The following MAP4 variants were observed in gnomAD, a reference collection of about 807,000 sequenced individuals.
MAP4 encodes microtubule-associated protein 4.
Under a neutral mutation model 170.2 loss-of-function variants are expected in MAP4, and 76 were observed. The ratio of observed to expected loss-of-function variants is 0.45; its 90% CI spans 0.37 to 0.54. MAP4 has a LOEUF of 0.54. MAP4 is among the 20% of genes least tolerant of loss of function. The pLI, the probability that MAP4 is intolerant of heterozygous loss-of-function variation, is 0.00. For missense variants in MAP4, 2,506 were observed against 2,748.0 expected (o/e 0.91, Z 1.97); for synonymous variants, 909 against 994.5 (o/e 0.91, Z 1.62).
chr3:48,030,798 C>CAAAA (rs71625847), intron 1 of MAP4, among the ~76,000 whole-genome samples: 2 of 29,060 alleles, frequency 6.9e-5, no homozygotes, highest in Non-Finnish European at 1.3e-4. Flanking sequence ...GACTCCATCT[C>CAAAA]AAAAAAAAAA....
intron 1 of MAP4, among the ~76,000 whole-genome samples, chr3:48,058,262 C>T (rs1207541867): frequency 1.3e-5 from 2 of 152,186 alleles, no homozygotes; most frequent in African/African-American, 4.8e-5. Flanking sequence ...ATTATTTTGG[C>T]TAATTTATTG....
In MAP4 at chr3:48,041,486, T is replaced by C. The variant is rs550290452; in HGVS notation, c.-19-42607A>G. 4.0e-5 allele frequency among the ~76,000 whole-genome samples: 6 copies of C among 151,854 alleles called. No homozygotes were observed. In the South Asian group the frequency reaches 1.0e-3, roughly 26 times the overall value. ...AGAAATTAAGGAAGATTTAAATAAA[T>C]GGAAAGACATTTAAGTTCATGGATC... On this transcript the variant is annotated intron_variant, in intron 1 of 18. Transcript: ENST00000360240.
At chr3:47,903,146 AG>A (rs36058052) in intron 9 of MAP4, 146 bp from the exon 10 acceptor site, 57,698 of 159,152 alleles carry the variant, frequency 0.36, 11,646 homozygotes, top group African/African-American at 0.54. Flanking sequence ...CTTGGTTTCC[AG>A]GGGAACAACT....
chr3:47,889,141 G>A (rs1470180460), intron 10 of MAP4, among the ~76,000 whole-genome samples: 1 of 152,246 alleles, frequency 6.6e-6, no homozygotes, highest in Non-Finnish European at 1.5e-5. Context: ...GATTTTTAAA[G>A]GGAAGAGAAT....
chr3:47,916,117 C>G lies in MAP4; in HGVS notation c.1710G>C (p.Val570=), dbSNP rs763774355. ...GTGGTGGAACATCTTTGGCTGGAGT[C>G]ACATTGTTGGCCAGGGTCAGAACCC... ...KDGVLTLANN[V]TPAKDVPPLS... is the part of the protein sequence containing the mutation. Residue 570 remains valine (V), a synonymous_variant, in exon 7 of 21, where the codon GTG becomes GTC. Coordinates refer to ENST00000683076, the MANE Select transcript of MAP4 (RefSeq NM_001385682.1). 7 of 1,614,046 alleles carry G rather than the reference C, an allele frequency of 4.3e-6. No homozygotes were observed. The Admixed American group carries it at 5.0e-5, about 12-fold the overall frequency.
At chr3:47,973,127 A>G in intron 3 of MAP4, 1 of 983,080 alleles carries the variant, frequency 1.0e-6, no homozygotes, top group Non-Finnish European at 1.2e-6. Context: ...TTAGTACAGT[A>G]ATCACATTAG....
At chr3:47,857,340 T>G (rs1184256359) in intron 18 of MAP4, 91 bp downstream of exon 18, 9 of 1,002,628 alleles carry the variant, frequency 9.0e-6, no homozygotes, top group Non-Finnish European at 1.4e-5. Context: ...GGCACAGAGA[T>G]GAAACCCTTG....
intron 10 of MAP4, among the ~76,000 whole-genome samples, chr3:47,886,675 T>C (rs2097650239): frequency 6.6e-6 from 1 of 152,196 alleles, no homozygotes; most frequent in Non-Finnish European, 1.5e-5. Flanking sequence ...ATGTGGAACT[T>C]ACTAACTCCT....
At chr3:48,036,631 G>A (rs1456337133) in intron 1 of MAP4, among the ~76,000 whole-genome samples, 3 of 152,178 alleles carry the variant, frequency 2.0e-5, no homozygotes, top group Non-Finnish European at 1.5e-5. Context: ...TTCTTTCTAT[G>A]TAAACAGTAC....
intron 2 of MAP4, chr3:47,987,286 A>C: frequency 4.8e-6 from 4 of 839,450 alleles, no homozygotes; most frequent in Non-Finnish European, 7.1e-6. Context: ...TTCCTGTGCT[A>C]GAGCATGTTA....
chr3:47,857,515 G>C lies in MAP4; in HGVS notation c.6502-3C>G, dbSNP rs1486864607. On this transcript the variant is annotated splice_polypyrimidine_tract_variant and splice_region_variant and intron_variant, in intron 17 of 20. Transcript: ENST00000683076. Reference sequence around the variant, plus strand: ...ACTTTCTTGTTCTGAATCTGAACCTGAAGAGAAGGACACAAAAGACTCATT... The same window carrying C: ...ACTTTCTTGTTCTGAATCTGAACCTCAAGAGAAGGACACAAAAGACTCATT... 3.1e-6 allele frequency: 5 copies of C among 1,604,646 alleles called. No individual in the cohort carries two copies. The highest frequency in any genetic ancestry group is 1.3e-5 in the African/African-American group (1 of 74,714).
chr3:47,911,028 A>G lies in MAP4; in HGVS notation c.3393T>C (p.Ala1131=). The G allele has an allele frequency of 6.5e-7, 1 of 1,536,180 alleles. No homozygotes were observed. The highest frequency in any genetic ancestry group is 1.2e-5 in the South Asian group (1 of 84,062). The change falls in exon 9 of 21, where the codon GCT becomes GCC. Residue 1131 remains alanine, a synonymous_variant. Coordinates refer to ENST00000683076, the MANE Select transcript of MAP4 (RefSeq NM_001385682.1). This position sits in a 1 kb window ranked among gnomAD's most constrained non-coding sequence, Gnocchi z 4.0. The part of the protein sequence containing the change: ...LNSSKQPGTK[A]DLTEAVVMGE... ...CCATCACCACTGCCTCCGTGAGATC[A>G]GCCTTAGTGCCTGGTTGCTTTGAAG...
At chr3:47,997,126 A>G (rs2100096181) in intron 2 of MAP4, among the ~76,000 whole-genome samples, 1 of 151,942 alleles carries the variant, frequency 6.6e-6, no homozygotes, top group Non-Finnish European at 1.5e-5. Context: ...GATACAGGAC[A>G]CTATCCAACA....
At chr3:47,870,304 T>G (rs1414507219) in intron 15 of MAP4, among the ~76,000 whole-genome samples, 1 of 152,184 alleles carries the variant, frequency 6.6e-6, no homozygotes, top group Non-Finnish European at 1.5e-5. Flanking sequence ...TCCTGCTGTT[T>G]AGGAAGGCCA....
chr3:47,902,080 G>A (rs946829573), intron 10 of MAP4, among the ~76,000 whole-genome samples: 1 of 152,110 alleles, frequency 6.6e-6, no homozygotes, highest in African/African-American at 2.4e-5. Flanking sequence ...CTTGAGCCTG[G>A]GAGGTCGAGG....
chr3:48,080,349 T>C (rs1466980689), intron 1 of MAP4, among the ~76,000 whole-genome samples: 1 of 152,240 alleles, frequency 6.6e-6, no homozygotes, highest in African/African-American at 2.4e-5. Context: ...CTAAATCTCT[T>C]CTATGATTCT....
chr3:47,859,172 C>T (rs1178165720), intron 17 of MAP4, among the ~76,000 whole-genome samples: 1 of 152,094 alleles, frequency 6.6e-6, no homozygotes, highest in Non-Finnish European at 1.5e-5. Flanking sequence ...GCCATGCATG[C>T]CCTCTGGGTT....
At chr3:47,996,023 C>T (rs150706855) in intron 2 of MAP4, among the ~76,000 whole-genome samples, 15 of 152,148 alleles carry the variant, frequency 9.9e-5, no homozygotes, top group African/African-American at 3.1e-4. Flanking sequence ...AGATGTCTGC[C>T]GCATGCTCAC....
intron 7 of MAP4, 92 bp from the exon 8 acceptor site, chr3:47,915,031 TGAG>T (rs1452235934): frequency 8.0e-6 from 12 of 1,502,736 alleles, no homozygotes; most frequent in African/African-American, 1.4e-5. Context: ...GATTAGTTTC[TGAG>T]GAGTTCTCCT....
Sources: gnomAD v4.1 joint callset for allele counts (sites outside exome capture counted in the v4.1 genomes callset) on GRCh38, gnomAD v4.1.1 for gene constraint, Gnocchi (gnomAD v3.1) non-coding constraint, MANE v1.5 for transcripts, NCBI Gene and HGNC (gene_info 2026-07-23, HGNC 2026-07-21) for gene names.